Variants in CFHR5 observed in about 807,000 individuals in gnomAD.
The protein encoded by CFHR5 is complement factor H related 5, also known as complement factor H-related protein 5.
In CFHR5, 73 loss-of-function variants were observed where a neutral mutation model predicts 62.9. The observed-to-expected ratio is 1.16, with a 90% CI of 0.96 to 1.41. The LOEUF (loss-of-function observed/expected upper bound fraction) is 1.41. Ranked by LOEUF, CFHR5 falls within the 40% of genes most tolerant of loss-of-function variation. The pLI, the probability that CFHR5 is intolerant of heterozygous loss-of-function variation, is 0.00. For synonymous variants in CFHR5, 249 were observed against 227.2 expected (o/e 1.10, Z -0.86); for missense variants, 779 against 679.9 (o/e 1.15, Z -1.62).
At chr1:196,993,560 G>T (rs950132882) in intron 3 of CFHR5, among the ~76,000 whole-genome samples, 1 of 152,142 alleles carries the variant, frequency 6.6e-6, no homozygotes, top group African/African-American at 2.4e-5. Flanking sequence ...GCCTCCCAAA[G>T]TGCTGGGATT....
intron 2 of CFHR5, 106 bp downstream of exon 2, chr1:196,983,185 G>A: frequency 1.3e-6 from 2 of 1,489,518 alleles, no homozygotes; most frequent in Non-Finnish European, 1.9e-6. Flanking sequence ...ATGACCAGAG[G>A]AGCTGGAAAA....
intron 3 of CFHR5, among the ~76,000 whole-genome samples, chr1:196,992,551 A>T (rs1388905374): frequency 2.0e-5 from 3 of 152,132 alleles, no homozygotes; most frequent in African/African-American, 4.8e-5. Context: ...AACCAGTCCC[A>T]GTGAGATGAA....
chr1:196,985,174 T>C (rs1653650031), intron 3 of CFHR5, among the ~76,000 whole-genome samples: 1 of 152,146 alleles, frequency 6.6e-6, no homozygotes, highest in African/African-American at 2.4e-5. Context: ...TGTTATCAAA[T>C]ATTATTCCAC....
chr1:196,996,137 A>G lies in CFHR5; in HGVS notation c.906A>G (p.Ala302=), dbSNP rs953246649. 7 of 1,613,316 alleles carry G rather than the reference A, an allele frequency of 4.3e-6. No individual in the cohort carries two copies. In the African/African-American group the frequency reaches 8.0e-5, roughly 18 times the overall value. The stretch of plus-strand genomic sequence containing the variant: ...AGGTGAATTGCAGAAATGAATATGC[A>G]ATGATTGGAAATAACATGATTACCT... ...SVEVNCRNEY[A]MIGNNMITCI... is the part of the protein sequence containing the mutation. Residue 302 remains alanine (A), a synonymous_variant, in exon 6 of 10, where the codon GCA becomes GCG. Coordinates refer to ENST00000256785, the MANE Select transcript of CFHR5 (RefSeq NM_030787.4).
chr1:197,008,159 A>G (rs1359954787), intron 9 of CFHR5, among the ~76,000 whole-genome samples: 1 of 151,238 alleles, frequency 6.6e-6, no homozygotes, highest in Admixed American at 6.6e-5. Flanking sequence ...AACAAACAAC[A>G]TTCATGCTGG....
intron 1 of CFHR5, among the ~76,000 whole-genome samples, chr1:196,982,252 G>A (rs1251209025): frequency 1.3e-5 from 2 of 152,108 alleles, no homozygotes; most frequent in African/African-American, 4.8e-5. Context: ...ATAGACCAGG[G>A]AGATTTGCTA....
chr1:196,996,190 C>T lies in CFHR5; in HGVS notation c.959C>T (p.Pro320Leu). The T allele has an allele frequency of 6.2e-7, 1 of 1,609,294 alleles. No homozygotes were observed. The highest frequency in any genetic ancestry group is 2.2e-5 in the East Asian group (1 of 44,824). The change falls in exon 6 of 10, where the codon CCT (proline) becomes CTT (leucine). Residue 320 changes from proline to leucine, a missense_variant. Physicochemically the swap from Pro to Leu is moderately conservative, Grantham distance 98 (BLOSUM62 -3). Transcript: ENST00000256785. The part of the protein sequence containing the change: ...TCINGIWTEL[P>L]MCVATHQLKR... ...ATTAATGGAATATGGACAGAGCTTC[C>T]TATGTGTGTTGGTGAGAAAACATTC...
Position 196,991,467 on chromosome 1 carries a change from G to T in CFHR5, c.431-2613G>T, listed in dbSNP as rs944325794. Among the ~76,000 whole-genome samples, 10 of 152,254 alleles carry T rather than the reference G, an allele frequency of 6.6e-5. No homozygotes were observed. In the East Asian group the frequency reaches 1.7e-3, roughly 26 times the overall value. On this transcript the variant is annotated intron_variant, in intron 3 of 9. Coordinates refer to ENST00000256785, the MANE Select transcript of CFHR5 (RefSeq NM_030787.4). ...GACACTCTGGTTTTTAGAATTTTCA[G>T]TTTTTCTGCTCTGGTTTCTCCCCAT...
At chr1:196,988,899 A>G (rs1653766770) in intron 3 of CFHR5, among the ~76,000 whole-genome samples, 1 of 152,106 alleles carries the variant, frequency 6.6e-6, no homozygotes, top group Non-Finnish European at 1.5e-5. Flanking sequence ...TGAGTTAGGG[A>G]GTATTCACTC....
chr1:197,006,688 G>A (rs922082618), intron 9 of CFHR5, among the ~76,000 whole-genome samples: 5 of 147,188 alleles, frequency 3.4e-5, no homozygotes, highest in African/African-American at 9.9e-5. Flanking sequence ...CTCCAGCCTG[G>A]GCAACAAGAG....
At chr1:196,989,571 C>T (rs1468788336) in intron 3 of CFHR5, among the ~76,000 whole-genome samples, 1 of 152,094 alleles carries the variant, frequency 6.6e-6, no homozygotes, top group African/African-American at 2.4e-5. Context: ...TAAGTTGTGG[C>T]TTTGTTCTCC....
intron 9 of CFHR5, 36 bp downstream of exon 9, chr1:197,004,879 A>G: frequency 6.6e-7 from 1 of 1,507,184 alleles, no homozygotes; most frequent in Non-Finnish European, 9.2e-7. Flanking sequence ...TCTGAGATTT[A>G]ATATTTATAG....
At chr1:196,999,101 C>A (rs1654065841) in intron 7 of CFHR5, among the ~76,000 whole-genome samples, 1 of 151,706 alleles carries the variant, frequency 6.6e-6, no homozygotes. Flanking sequence ...TGAAAGAAAT[C>A]ATATAAAATA....
In CFHR5 at chr1:197,008,534, T is replaced by A. The variant is rs35957013; in HGVS notation, c.1561T>A (p.Leu521Ile). The change falls in exon 10 of 10, where the codon TTA becomes ATA. Residue 521 changes from leucine to isoleucine, a missense_variant. Coordinates refer to ENST00000256785, the MANE Select transcript of CFHR5 (RefSeq NM_030787.4). ...EENMNKNNIQ[L>I]KWRNDGKLYA... is the part of the protein sequence containing the mutation. ...AAACATGAACAAAAATAACATACAG[T>A]TAAAATGGAGAAACGATGGAAAACT... is the stretch of plus-strand genomic sequence containing the variant. The A allele has an allele frequency of 1.5e-4, 245 of 1,613,414 alleles. 1 individual carries two copies. In the African/African-American group the frequency reaches 2.7e-3, roughly 17 times the overall value.
In CFHR5 at chr1:197,004,659, A is replaced by C. The variant is rs148301128; in HGVS notation, c.1331-2A>C. 6.2e-7 allele frequency: 1 copy of C among 1,611,606 alleles called. No individual in the cohort carries two copies. The highest frequency in any genetic ancestry group is 2.2e-5 in the East Asian group (1 of 44,856). ...TCTCAACAAATAAATGCTGTTTTCC[A>C]GAGTCTACTGCATATTGTGGGCCCC... On this transcript the variant is annotated splice_acceptor_variant, in intron 8 of 9. Transcript: ENST00000256785. LOFTEE classifies it high-confidence loss of function.
At chr1:196,986,630 G>A (rs1367602419) in intron 3 of CFHR5, among the ~76,000 whole-genome samples, 1 of 151,650 alleles carries the variant, frequency 6.6e-6, no homozygotes, top group East Asian at 1.9e-4. Context: ...TTGGTTTTCT[G>A]TCCTTGTGAT....
upstream of CFHR5, among the ~76,000 whole-genome samples, chr1:196,976,850 G>T (rs1653406538): frequency 1.4e-5 from 2 of 142,656 alleles, no homozygotes; most frequent in Admixed American, 7.1e-5. Context: ...TGTCGCCCAG[G>T]CTGGAGTGCA....
rs1483341289 is a variant in CFHR5, at chr1:196,982,992, G to A, written c.166G>A (p.Glu56Lys). 2.5e-6 allele frequency: 4 copies of A among 1,614,058 alleles called. No homozygotes were observed. The South Asian group carries it at 4.4e-5, about 18-fold the overall frequency. ...AGGGGAAGTTTTCTATTACTCCTGTGAATATAATTTTGTGTCTCCTTCAAA... is the reference window on the plus strand; with the variant it reads ...AGGGGAAGTTTTCTATTACTCCTGTAAATATAATTTTGTGTCTCCTTCAAA... ...PTGEVFYYSC[E>K]YNFVSPSKSF... is the part of the protein sequence containing the mutation. Residue 56 changes from glutamate (E) to lysine (K), a missense_variant, in exon 2 of 10, where the codon GAA (glutamate) becomes AAA (lysine). Transcript: ENST00000256785.
intron 6 of CFHR5, 56 bp downstream of exon 6, chr1:196,996,257 G>A (rs991573262): frequency 7.5e-7 from 1 of 1,337,830 alleles, no homozygotes; most frequent in Non-Finnish European, 1.1e-6. Context: ...GATTGGGATT[G>A]TATAAAGTGT....
Sources: gnomAD v4.1 joint callset for allele counts (sites outside exome capture counted in the v4.1 genomes callset) on GRCh38, gnomAD v4.1.1 for gene constraint, MANE v1.5 for transcripts, NCBI Gene and HGNC (gene_info 2026-07-23, HGNC 2026-07-21) for gene names.